The following PCMT1 variants were observed in gnomAD, a reference collection of about 807,000 sequenced individuals.
PCMT1 encodes the protein protein-L-isoaspartate(D-aspartate) O-methyltransferase.
PCMT1 carries 9 observed loss-of-function variants against 29.2 expected under a neutral mutation model. The ratio of observed to expected loss-of-function variants is 0.31; its 90% CI spans 0.19 to 0.54. PCMT1 has a LOEUF of 0.54. Among genes scored for constraint, PCMT1 ranks in the 20% least tolerant of loss-of-function variants. The pLI is 0.95. For missense variants in PCMT1, 184 were observed against 282.2 expected (o/e 0.65, Z 2.49); for synonymous variants, 98 against 97.5 (o/e 1.00, Z -0.03).
intron 3 of PCMT1, among the ~76,000 whole-genome samples, chr6:149,787,625 A>C (rs1431905017): frequency 6.6e-6 from 1 of 152,032 alleles, no homozygotes; most frequent in African/African-American, 2.4e-5. Context: ...GGCCTCTCAA[A>C]GTGCTGGGAT....
intron 3 of PCMT1, among the ~76,000 whole-genome samples, chr6:149,783,972 G>C (rs1290074148): frequency 6.6e-6 from 1 of 152,186 alleles, no homozygotes; most frequent in Admixed American, 6.6e-5. Context: ...TCGGATTATA[G>C]GTATAAGTCA....
At chr6:149,761,010 A>G (rs753201217) in intron 1 of PCMT1, among the ~76,000 whole-genome samples, 24 of 148,600 alleles carry the variant, frequency 1.6e-4, no homozygotes, top group Admixed American at 2.7e-4. Flanking sequence ...TGGATTATAG[A>G]GGATGCAGGT....
chr6:149,773,413 C>T (rs969604751), intron 3 of PCMT1, among the ~76,000 whole-genome samples: 4 of 152,076 alleles, frequency 2.6e-5, no homozygotes, highest in African/African-American at 9.7e-5. Flanking sequence ...GAGTCTCGCT[C>T]TGTCGCCCAG....
intron 1 of PCMT1, among the ~76,000 whole-genome samples, chr6:149,761,989 CTG>C (rs1024101709): frequency 6.6e-6 from 1 of 152,138 alleles, no homozygotes; most frequent in Admixed American, 6.5e-5. Context: ...CTATTGAAGA[CTG>C]TCAAATGTTT....
chr6:149,810,967 T>C lies in PCMT1; in HGVS notation c.*389T>C. 1 of 212,986 alleles carries C rather than the reference T, an allele frequency of 4.7e-6. No individual in the cohort carries two copies. The highest frequency in any genetic ancestry group is 5.8e-5 in the Admixed American group (1 of 17,276). The allele number at this position is 212,986 out of a possible 1,614,324, so 13.2% of individuals were successfully genotyped here. A position where few individuals can be genotyped will look rare whatever the true frequency, so the allele number is the denominator to read the frequency against. ...TTCTTTTCTTGGACACTTAATTCTG[T>C]TCTGATATTAATTTATCAGATTGCT... On this transcript the variant is annotated 3_prime_UTR_variant, in exon 8 of 8. Coordinates refer to ENST00000464889, the MANE Select transcript of PCMT1 (RefSeq NM_001360452.2).
At chr6:149,795,383 T>A in intron 5 of PCMT1, 1 of 405,866 alleles carries the variant, frequency 2.5e-6, no homozygotes, top group East Asian at 6.5e-5. Context: ...TGTTAAGATA[T>A]CTGGGGAGAT....
chr6:149,763,524 T>C lies in PCMT1; in HGVS notation c.56-7638T>C, dbSNP rs1234491642. Among the ~76,000 whole-genome samples the C allele has an allele frequency of 2.6e-5, 4 of 152,054 alleles. No individual in the cohort carries two copies. The East Asian group carries it at 5.8e-4, about 22-fold the overall frequency. ...TTTTAATAAATGGCTGATGGCATGCTATTAATAACAATTTAGAGTTTTTAG... is the reference window on the plus strand; with the variant it reads ...TTTTAATAAATGGCTGATGGCATGCCATTAATAACAATTTAGAGTTTTTAG... On this transcript the variant is annotated intron_variant, in intron 1 of 7. Transcript: ENST00000464889.
At chr6:149,795,204 A>G in intron 5 of PCMT1, 2 of 368,686 alleles carry the variant, frequency 5.4e-6, no homozygotes, top group Non-Finnish European at 1.0e-5. Flanking sequence ...AAAAAAAAAA[A>G]AAAGAAATGT....
intron 1 of PCMT1, among the ~76,000 whole-genome samples, chr6:149,768,725 C>T (rs1787192868): frequency 6.6e-6 from 1 of 151,808 alleles, no homozygotes; most frequent in Non-Finnish European, 1.5e-5. Context: ...CTCCTGGGTT[C>T]AAGCGATTCT....
At chr6:149,808,346 G>C (rs542771879) in intron 7 of PCMT1, among the ~76,000 whole-genome samples, 1 of 151,896 alleles carries the variant, frequency 6.6e-6, no homozygotes, top group Non-Finnish European at 1.5e-5. Context: ...TAAAGAAATG[G>C]TCATACAGAA....
chr6:149,753,381 G>T, intron 1 of PCMT1, among the ~76,000 whole-genome samples: 1 of 151,580 alleles, frequency 6.6e-6, no homozygotes, highest in Non-Finnish European at 1.5e-5. Flanking sequence ...TGCCCAGGCT[G>T]GAGTGCAATG....
At chr6:149,790,506 G>GTTTTC (rs1391184265) in intron 4 of PCMT1, among the ~76,000 whole-genome samples, 1 of 132,734 alleles carries the variant, frequency 7.5e-6, no homozygotes, top group African/African-American at 3.2e-5. Context: ...AATAAGCCTG[G>GTTTTC]TTTTCTTTTC....
At chr6:149,793,096 G>C (rs1210348616) in intron 4 of PCMT1, among the ~76,000 whole-genome samples, 2 of 151,630 alleles carry the variant, frequency 1.3e-5, no homozygotes, top group African/African-American at 4.8e-5. Context: ...CTGGGAGGCA[G>C]AGGTTGCAGT....
At position 149,805,025 on chromosome 6, in the gene PCMT1, T is replaced by G. The variant is rs377342522; in HGVS notation, c.*37+2609T>G. On this transcript the variant is annotated intron_variant, in intron 7 of 7. Transcript: ENST00000464889. ...GGGAGGTTGAGGTGGGAGGATCACT[T>G]GAGGCCAGAAGTTCAAGAGAAGCCT... 1.9e-4 allele frequency among the ~76,000 whole-genome samples: 29 copies of G among 152,136 alleles called. No individual in the cohort carries two copies. In the South Asian group the frequency reaches 5.8e-3, roughly 31 times the overall value.
chr6:149,805,339 A>G (rs1237593824), intron 7 of PCMT1, among the ~76,000 whole-genome samples: 1 of 152,210 alleles, frequency 6.6e-6, no homozygotes, highest in East Asian at 1.9e-4. Flanking sequence ...CACGCCTGTA[A>G]TCCCAGCACT....
chr6:149,802,102 C>A lies in PCMT1; in HGVS notation c.505-98C>A, dbSNP rs1277876297. The A allele has an allele frequency of 5.0e-6, 4 of 806,550 alleles. No individual in the cohort carries two copies. In the East Asian group the frequency reaches 1.1e-4, roughly 23 times the overall value. 50.0% of individuals were successfully genotyped at this position (806,550 alleles called of 1,614,324 possible). ...TGAGATCGTGTCATTGCACTCCAGC[C>A]TGGGCGACAGAGTGAGACCCTGTCT... is the stretch of plus-strand genomic sequence containing the variant. On this transcript the variant is annotated intron_variant, in intron 6 of 7. Transcript: ENST00000464889.
Position 149,771,228 on chromosome 6 carries a change from C to A in PCMT1, c.122C>A (p.Ala41Glu). The A allele has an allele frequency of 6.2e-7, 1 of 1,609,978 alleles. No individual in the cohort carries two copies. The highest frequency in any genetic ancestry group is 8.5e-7 in the Non-Finnish European group (1 of 1,176,498). Residue 41 changes from alanine (A) to glutamate (E), a missense_variant, in exon 2 of 8, where the codon GCA (alanine) becomes GAA (glutamate). Ala to Glu is a moderately radical substitution (Grantham distance 107). Transcript: ENST00000464889. The part of the protein sequence containing the change: ...VMLATDRSHY[A>E]KCNPYMDSPQ... ...CTGGCTACAGACCGCTCCCACTATG[C>A]AAAATGTAACCCATACATGGATTCT...
chr6:149,807,126 C>T (rs1427774826), intron 7 of PCMT1, among the ~76,000 whole-genome samples: 1 of 152,072 alleles, frequency 6.6e-6, no homozygotes, highest in East Asian at 1.9e-4. Context: ...TGAATGTAGA[C>T]TTGAGTCTTT....
chr6:149,790,449 C>T (rs1788312850), intron 4 of PCMT1, among the ~76,000 whole-genome samples: 1 of 151,912 alleles, frequency 6.6e-6, no homozygotes, highest in South Asian at 2.1e-4. Flanking sequence ...TGGCCAGTAG[C>T]TCCCAAACTA....
Sources: allele counts gnomAD v4.1 joint callset (sites outside exome capture counted in the v4.1 genomes callset), GRCh38; gene constraint gnomAD v4.1.1; transcripts MANE v1.5; gene names NCBI Gene and HGNC (gene_info 2026-07-23, HGNC 2026-07-21).